Variants in ASIC2 observed in about 807,000 individuals in gnomAD.
ASIC2 encodes the protein acid sensing ion channel subunit 2.
In ASIC2, 25 loss-of-function variants were observed where a neutral mutation model predicts 57.3. That is an observed-to-expected ratio of 0.44 (90% CI 0.32 to 0.61). The LOEUF (loss-of-function observed/expected upper bound fraction) is 0.61, where lower values mean the gene tolerates loss of function less well. Among genes scored for constraint, ASIC2 ranks in the 20% least tolerant of loss-of-function variants. The pLI is 0.06. For synonymous variants in ASIC2, 319 were observed against 307.5 expected, an observed-to-expected ratio of 1.04 and a Z score of -0.39; for missense variants, 641 against 738.1, an observed-to-expected ratio of 0.87 and a Z score of 1.52.
chr17:33,504,249 C>T (rs1914183151), intron 1 of ASIC2, among the ~76,000 whole-genome samples: 1 of 152,236 alleles, frequency 6.6e-6, no homozygotes, highest in Non-Finnish European at 1.5e-5. Flanking sequence ...AACACTATTT[C>T]AGTTGGAGTC....
chr17:33,329,658 T>C (rs1907224845), intron 1 of ASIC2, among the ~76,000 whole-genome samples: 1 of 152,232 alleles, frequency 6.6e-6, no homozygotes, highest in Non-Finnish European at 1.5e-5. Context: ...ACATACAAAC[T>C]TGGATCAAGT....
At chr17:33,826,066 A>G (rs1912899226) in intron 1 of ASIC2, among the ~76,000 whole-genome samples, 1 of 152,248 alleles carries the variant, frequency 6.6e-6, no homozygotes, top group African/African-American at 2.4e-5. Flanking sequence ...ATGTTGAATT[A>G]TGATGATTCT....
chr17:33,525,956 T>A (rs10512444), intron 1 of ASIC2, among the ~76,000 whole-genome samples: 17,049 of 152,168 alleles, frequency 0.11, 1,385 homozygotes, highest in East Asian at 0.29. Context: ...CACTCGTGGG[T>A]ATCTTCTTGT....
chr17:33,848,160 G>A lies in ASIC2; in HGVS notation c.555+307818C>T, dbSNP rs7219334. Among the ~76,000 whole-genome samples, 1,238 of 152,194 alleles carry A rather than the reference G, an allele frequency of 8.1e-3. 18 individuals carry two copies. The highest frequency in any genetic ancestry group is 0.028 in the African/African-American group (1,178 of 41,520). On this transcript the variant is annotated intron_variant, in intron 1 of 9. Coordinates refer to the ASIC2 transcript ENST00000359872. ...AGAGGGTGGTCAAGGCAACCAGAAG[G>A]GCAGCCCTAGATCAAAGCAGAAGGC... is the stretch of plus-strand genomic sequence containing the variant.
intron 1 of ASIC2, among the ~76,000 whole-genome samples, chr17:33,543,498 A>G (rs1915487183): frequency 1.3e-5 from 2 of 152,092 alleles, no homozygotes; most frequent in African/African-American, 4.8e-5. Flanking sequence ...TGGAGCCCCT[A>G]TTTCAACATA....
chr17:33,847,438 A>G (rs1318684272), intron 1 of ASIC2, among the ~76,000 whole-genome samples: 3 of 151,790 alleles, frequency 2.0e-5, no homozygotes, highest in African/African-American at 7.3e-5. Flanking sequence ...CTGACACTCT[A>G]TTTCCTGCCC....
In ASIC2 at chr17:33,013,998, C is replaced by T. The variant is rs766197464; in HGVS notation, c.1659G>A (p.Thr553=). The change falls in exon 10 of 10, where the codon ACG becomes ACA. Residue 553 remains threonine (T), a synonymous_variant. Coordinates refer to ENST00000225823, the MANE Select transcript of ASIC2 (RefSeq NM_183377.2). ...ISHTVNVPLQ[T]TLGTLEEIAC ...CAATCTCCTCCAAGGTCCCCAGGGT[C>T]GTCTGCAGGGGCACGTTCACAGTGT... 2.0e-5 allele frequency: 32 copies of T among 1,602,486 alleles called. No homozygotes were observed. In the Middle Eastern group the frequency reaches 5.0e-4, roughly 25 times the overall value.
chr17:33,674,884 C>T (rs751643279), intron 1 of ASIC2, among the ~76,000 whole-genome samples: 1 of 152,170 alleles, frequency 6.6e-6, no homozygotes, highest in African/African-American at 2.4e-5. Context: ...TGAGGAATCA[C>T]GTGACCTTGG....
chr17:34,116,783 T>C (rs757590962), intron 1 of ASIC2, among the ~76,000 whole-genome samples: 30 of 152,268 alleles, frequency 2.0e-4, no homozygotes, highest in Non-Finnish European at 3.8e-4. Context: ...TTGGGCCTCT[T>C]GGCAGTAATA....
At chr17:33,467,249 A>G (rs1912898135) in intron 1 of ASIC2, among the ~76,000 whole-genome samples, 1 of 151,652 alleles carries the variant, frequency 6.6e-6, no homozygotes. Context: ...CCTTGAAAAT[A>G]TTTTTTTTTA....
At chr17:34,034,609 A>G (rs1258962807) in intron 1 of ASIC2, among the ~76,000 whole-genome samples, 1 of 152,182 alleles carries the variant, frequency 6.6e-6, no homozygotes, top group Non-Finnish European at 1.5e-5. Context: ...ATATCTAGAA[A>G]ACCCCATCGT....
chr17:34,113,031 C>A (rs1437640949), intron 1 of ASIC2, among the ~76,000 whole-genome samples: 1 of 152,128 alleles, frequency 6.6e-6, no homozygotes, highest in Non-Finnish European at 1.5e-5. Context: ...TAAGCAAGCA[C>A]TGATGGGTTT....
intron 1 of ASIC2, among the ~76,000 whole-genome samples, chr17:33,816,202 C>T (rs1177851111): frequency 6.6e-6 from 1 of 151,856 alleles, no homozygotes; most frequent in East Asian, 1.9e-4. Flanking sequence ...AAAGTTTCAG[C>T]AGGTGGAGAA....
At chr17:33,152,006 CA>C (rs1187521097) in intron 1 of ASIC2, among the ~76,000 whole-genome samples, 1 of 151,772 alleles carries the variant, frequency 6.6e-6, no homozygotes, top group African/African-American at 2.4e-5. Flanking sequence ...CCTTTTGTTG[CA>C]AAAAAGGGAT....
intron 1 of ASIC2, among the ~76,000 whole-genome samples, chr17:33,222,575 A>G (rs1052369093): frequency 6.6e-6 from 1 of 152,218 alleles, no homozygotes; most frequent in Admixed American, 6.5e-5. Flanking sequence ...TTATATCTCA[A>G]TAAAGCTTCC....
chr17:33,393,412 G>A (rs1365090301), intron 1 of ASIC2, among the ~76,000 whole-genome samples: 1 of 151,924 alleles, frequency 6.6e-6, no homozygotes, highest in East Asian at 1.9e-4. Flanking sequence ...TATCTGAACT[G>A]TACCGTGTGT....
chr17:33,811,178 G>T (rs1912409141), intron 1 of ASIC2, among the ~76,000 whole-genome samples: 1 of 152,208 alleles, frequency 6.6e-6, no homozygotes, highest in African/African-American at 2.4e-5. Flanking sequence ...GATCATTAAA[G>T]CACATTGCCC....
intron 1 of ASIC2, chr17:34,081,116 G>A (rs1909864505): frequency 6.6e-6 from 1 of 152,156 alleles, no homozygotes; most frequent in Admixed American, 6.5e-5. Flanking sequence ...CCCTAAGTGA[G>A]CTCCAGGGGC....
At chr17:33,367,998 T>C (rs956684570) in intron 1 of ASIC2, among the ~76,000 whole-genome samples, 12 of 151,954 alleles carry the variant, frequency 7.9e-5, no homozygotes, top group African/African-American at 2.9e-4. Context: ...CAGAGAGAAG[T>C]TGGACAAGAT....
Sources: allele counts gnomAD v4.1 joint callset (sites outside exome capture counted in the v4.1 genomes callset), GRCh38; gene constraint gnomAD v4.1.1; transcripts MANE v1.5; gene names NCBI Gene and HGNC (gene_info 2026-07-23, HGNC 2026-07-21).